The following LCP2 variants were observed in gnomAD, a reference collection of about 807,000 sequenced individuals.
LCP2 encodes 76 kDa tyrosine phosphoprotein.
LCP2 carries 29 observed loss-of-function variants against 74.5 expected under a neutral mutation model. The observed-to-expected ratio is 0.39, with a 90% CI of 0.29 to 0.53. LCP2 has a LOEUF of 0.53. LCP2 is among the 20% of genes least tolerant of loss of function. The pLI, the probability that LCP2 is intolerant of heterozygous loss-of-function variation, is 0.72. For missense variants in LCP2, 604 were observed against 634.6 expected, an observed-to-expected ratio of 0.95 and a Z score of 0.52; for synonymous variants, 228 against 229.5, an observed-to-expected ratio of 0.99 and a Z score of 0.06.
chr5:170,274,199 C>A, intron 6 of LCP2, 102 bp downstream of exon 6: 6 of 1,228,876 alleles, frequency 4.9e-6, no homozygotes, highest in Non-Finnish European at 7.0e-6. Flanking sequence ...GTGCTGGCAT[C>A]ATGTTAGAGC....
At chr5:170,280,404 A>G (rs1295786444) in intron 3 of LCP2, among the ~76,000 whole-genome samples, 3 of 152,106 alleles carry the variant, frequency 2.0e-5, no homozygotes, top group Admixed American at 2.0e-4. Flanking sequence ...CTTCCAAGGA[A>G]CAAAGTGTTC....
At chr5:170,297,422 C>T (rs1762409338) in intron 1 of LCP2, 112 bp downstream of exon 1, 1 of 879,146 alleles carries the variant, frequency 1.1e-6, no homozygotes. Context: ...CCATAGGGTT[C>T]CATTGCTATC....
At chr5:170,253,647 G>A (rs76496754) in intron 17 of LCP2, among the ~76,000 whole-genome samples, 1 of 143,912 alleles carries the variant, frequency 6.9e-6, no homozygotes, top group Non-Finnish European at 1.5e-5. Flanking sequence ...CAATGATGAA[G>A]ATAATTATGT....
chr5:170,266,945 G>T, intron 9 of LCP2, 54 bp from the exon 10 acceptor site: 1 of 1,601,320 alleles, frequency 6.2e-7, no homozygotes, highest in Non-Finnish European at 8.6e-7. Context: ...TCGGCTGGGG[G>T]TTGGGCGGGG....
intron 1 of LCP2, among the ~76,000 whole-genome samples, chr5:170,294,522 C>A (rs138304988): frequency 6.6e-6 from 1 of 152,306 alleles, no homozygotes; most frequent in Non-Finnish European, 1.5e-5. Flanking sequence ...CCTTGAGGAT[C>A]CTAGGTTCTT....
intron 10 of LCP2, among the ~76,000 whole-genome samples, chr5:170,265,688 C>A (rs79613995): frequency 6.6e-6 from 1 of 152,086 alleles, no homozygotes. Context: ...TGATGTAGTT[C>A]GGGGAAAGAG....
At chr5:170,265,134 C>A (rs1761728314) in intron 10 of LCP2, among the ~76,000 whole-genome samples, 1 of 151,844 alleles carries the variant, frequency 6.6e-6, no homozygotes, top group South Asian at 2.1e-4. Flanking sequence ...ACTGCAGGTG[C>A]CCACCACCAT....
chr5:170,291,579 C>G (rs1762297190), intron 2 of LCP2, among the ~76,000 whole-genome samples: 1 of 152,182 alleles, frequency 6.6e-6, no homozygotes. Flanking sequence ...GCCTAGATAC[C>G]ATCTCTCAAA....
At chr5:170,262,539 C>T in intron 13 of LCP2, 96 bp downstream of exon 13, 3 of 843,202 alleles carry the variant, frequency 3.6e-6, no homozygotes, top group Non-Finnish European at 5.6e-6. Flanking sequence ...TGCCCGGGAG[C>T]ACCGAGGAGC....
At chr5:170,273,609 C>A (rs1761934068) in intron 6 of LCP2, among the ~76,000 whole-genome samples, 1 of 152,156 alleles carries the variant, frequency 6.6e-6, no homozygotes, top group African/African-American at 2.4e-5. Flanking sequence ...CTCCTGTGGA[C>A]TCAGTTGCCT....
At chr5:170,270,515 T>C (rs1243075226) in intron 7 of LCP2, 1 of 541,730 alleles carries the variant, frequency 1.8e-6, no homozygotes, top group African/African-American at 2.0e-5. Context: ...GTACATTTAT[T>C]ATCCTATTTC....
In LCP2 at chr5:170,270,196, T is replaced by C. The variant is rs1761872692; in HGVS notation, c.523+523A>G. Among the ~76,000 whole-genome samples the C allele has an allele frequency of 2.6e-5, 4 of 152,298 alleles. No individual in the cohort carries two copies. In the South Asian group the frequency reaches 8.3e-4, roughly 32 times the overall value. On this transcript the variant is annotated intron_variant, in intron 7 of 20. Transcript: ENST00000046794. The stretch of plus-strand genomic sequence containing the variant: ...AGATCAACAATGTTTGTTGAATGAA[T>C]GGAGAGAGAAGTGGGCTAAAAGGAC...
intron 6 of LCP2, among the ~76,000 whole-genome samples, chr5:170,272,592 A>ATCTTCTTTTTTT (rs1761913008): frequency 2.9e-5 from 1 of 34,310 alleles, no homozygotes; most frequent in African/African-American, 8.9e-5. Flanking sequence ...CCCATCAAAT[A>ATCTTCTTTTTTT]TTTTCTTTTT....
intron 19 of LCP2, chr5:170,252,141 A>T: frequency 4.2e-6 from 1 of 238,998 alleles, no homozygotes; most frequent in Non-Finnish European, 8.4e-6. Context: ...TCCTTCTGAC[A>T]CCATGTGATT....
intron 6 of LCP2, chr5:170,274,046 G>A (rs1400255982): frequency 1.5e-5 from 8 of 534,888 alleles, no homozygotes; most frequent in Non-Finnish European, 2.7e-5. Flanking sequence ...AGCCAAGCCT[G>A]TTTGTTTGCT....
intron 10 of LCP2, among the ~76,000 whole-genome samples, chr5:170,265,255 G>C (rs1454097682): frequency 6.6e-6 from 1 of 152,056 alleles, no homozygotes; most frequent in Non-Finnish European, 1.5e-5. Flanking sequence ...CCAAAGTGCT[G>C]GGATTACAGG....
intron 17 of LCP2, among the ~76,000 whole-genome samples, chr5:170,254,821 T>G (rs929380413): frequency 6.6e-6 from 1 of 152,098 alleles, no homozygotes; most frequent in African/African-American, 2.4e-5. Flanking sequence ...ACCCTTAATA[T>G]CTAGACTCTC....
intron 6 of LCP2, among the ~76,000 whole-genome samples, chr5:170,272,024 G>A (rs776350483): frequency 6.6e-6 from 1 of 152,192 alleles, no homozygotes; most frequent in East Asian, 1.9e-4. Context: ...GTCCTGCCCT[G>A]TCAGGGTTCT....
intron 6 of LCP2, 191 bp downstream of exon 6, chr5:170,274,110 G>C (rs1761943316): frequency 1.7e-6 from 1 of 602,028 alleles, no homozygotes. Context: ...AGCTGAGACA[G>C]AGAGTGCATG....
Sources: gnomAD v4.1 joint callset for allele counts (sites outside exome capture counted in the v4.1 genomes callset) on GRCh38, gnomAD v4.1.1 for gene constraint, MANE v1.5 for transcripts, NCBI Gene and HGNC (gene_info 2026-07-23, HGNC 2026-07-21) for gene names.